The following SGCZ variants were observed in gnomAD, a reference collection of about 807,000 sequenced individuals.
SGCZ encodes the protein sarcoglycan zeta.
Under a neutral mutation model 41.3 loss-of-function variants are expected in SGCZ, and 40 were observed. The ratio of observed to expected loss-of-function variants is 0.97; its 90% confidence interval spans 0.75 to 1.26. The LOEUF (loss-of-function observed/expected upper bound fraction) is 1.26. SGCZ is among the 50% of genes most tolerant of loss of function. The pLI, the probability that SGCZ is intolerant of heterozygous loss-of-function variation, is 0.00. For synonymous variants in SGCZ, 206 were observed against 137.5 expected (o/e 1.50, Z -3.49); for missense variants, 552 against 369.8 (o/e 1.49, Z -4.04).
intron 1 of SGCZ, among the ~76,000 whole-genome samples, chr8:14,605,247 A>G (rs1240507045): frequency 6.7e-6 from 1 of 148,458 alleles, no homozygotes; most frequent in Non-Finnish European, 1.5e-5. Flanking sequence ...TACTTTTAAA[A>G]ATCTTTTTAA....
At chr8:14,346,758 TG>T (rs1160244941) in intron 2 of SGCZ, among the ~76,000 whole-genome samples, 2 of 152,080 alleles carry the variant, frequency 1.3e-5, no homozygotes, top group Admixed American at 1.3e-4. Context: ...TAATAATTTT[TG>T]TAGTTAATGT....
intron 1 of SGCZ, among the ~76,000 whole-genome samples, chr8:14,598,882 G>A (rs1563142805): frequency 2.0e-5 from 3 of 151,918 alleles, no homozygotes; most frequent in Non-Finnish European, 4.4e-5. Context: ...AATCATTTAG[G>A]GAACTCCAGG....
At chr8:14,557,989 C>T (rs1012220976) in intron 1 of SGCZ, among the ~76,000 whole-genome samples, 5 of 152,044 alleles carry the variant, frequency 3.3e-5, no homozygotes, top group African/African-American at 1.2e-4. Context: ...GGAGACAATA[C>T]ACCTGACATC....
intron 1 of SGCZ, among the ~76,000 whole-genome samples, chr8:14,562,666 A>G (rs1190970930): frequency 2.6e-5 from 4 of 152,140 alleles, no homozygotes; most frequent in Non-Finnish European, 5.9e-5. Flanking sequence ...AATTTTAAAA[A>G]TTAAGAAGTA....
intron 1 of SGCZ, among the ~76,000 whole-genome samples, chr8:14,611,328 G>A (rs964004394): frequency 6.9e-5 from 4 of 58,120 alleles, no homozygotes; most frequent in African/African-American, 1.8e-4. Context: ...GAATATGTGG[G>A]TCTATGTGTG....
intron 1 of SGCZ, among the ~76,000 whole-genome samples, chr8:15,032,872 T>C (rs191203164): frequency 1.8e-3 from 274 of 152,150 alleles, no homozygotes; most frequent in Non-Finnish European, 3.3e-3. Context: ...GCCTACTCAG[T>C]TCCAAGCTGT....
chr8:15,112,394 A>T (rs909719353), intron 1 of SGCZ, among the ~76,000 whole-genome samples: 3 of 152,234 alleles, frequency 2.0e-5, no homozygotes, highest in Non-Finnish European at 4.4e-5. Flanking sequence ...GGAGTTATCC[A>T]TTCTCCTGCT....
At chr8:14,874,989 TCAGATCTTCCTGGAGAAATTTCAAG>T in intron 1 of SGCZ, among the ~76,000 whole-genome samples, 1 of 152,174 alleles carries the variant, frequency 6.6e-6, no homozygotes. Context: ...TAAAAAGGAC[TCAGATCTTCCTGGAGAAATTTCAAG>T]CATAAAAGGG....
chr8:14,671,016 T>C (rs560590081), intron 1 of SGCZ, among the ~76,000 whole-genome samples: 1 of 152,330 alleles, frequency 6.6e-6, no homozygotes, highest in South Asian at 2.1e-4. Flanking sequence ...GCTCTCAAGC[T>C]TCCTTGGTGT....
At chr8:14,185,717 C>A (rs575657059) in intron 4 of SGCZ, among the ~76,000 whole-genome samples, 1 of 152,160 alleles carries the variant, frequency 6.6e-6, no homozygotes, top group East Asian at 1.9e-4. Context: ...GCTCACTCAT[C>A]GTCTTTCTAT....
intron 2 of SGCZ, among the ~76,000 whole-genome samples, chr8:14,512,487 A>T (rs543248449): frequency 1.3e-5 from 2 of 152,200 alleles, no homozygotes; most frequent in South Asian, 4.1e-4. Flanking sequence ...TAGAGACAAG[A>T]TCTCGCTCTG....
intron 1 of SGCZ, among the ~76,000 whole-genome samples, chr8:15,000,022 G>C (rs1802358506): frequency 1.3e-5 from 2 of 152,154 alleles, no homozygotes; most frequent in African/African-American, 4.8e-5. Flanking sequence ...GGTATTAAAA[G>C]AGGTAAGTAA....
chr8:14,668,936 ATGTG>A (rs10585789), intron 1 of SGCZ, among the ~76,000 whole-genome samples: 2 of 151,030 alleles, frequency 1.3e-5, no homozygotes, highest in African/African-American at 4.9e-5. Context: ...GTGTGTGTGT[ATGTG>A]TGTGTGTGTT....
chr8:15,122,979 G>C (rs1375304731), intron 1 of SGCZ, among the ~76,000 whole-genome samples: 1 of 152,074 alleles, frequency 6.6e-6, no homozygotes, highest in Non-Finnish European at 1.5e-5. Context: ...AAGGTCTATA[G>C]GTATAGTGTA....
At chr8:14,557,749 C>G (rs1325697738) in intron 1 of SGCZ, among the ~76,000 whole-genome samples, 2 of 151,720 alleles carry the variant, frequency 1.3e-5, no homozygotes, top group Admixed American at 6.6e-5. Context: ...GGTCACACCT[C>G]AAGGAACTAG....
At chr8:15,041,850 G>C (rs115812177) in intron 1 of SGCZ, among the ~76,000 whole-genome samples, 143 of 152,152 alleles carry the variant, frequency 9.4e-4, no homozygotes, top group African/African-American at 3.3e-3. Context: ...TACGCCAAAA[G>C]ACAAAAGCAT....
chr8:15,083,117 A>C (rs924328285), intron 1 of SGCZ, among the ~76,000 whole-genome samples: 2 of 152,230 alleles, frequency 1.3e-5, no homozygotes, highest in Admixed American at 6.5e-5. Context: ...TAACACAAAC[A>C]GAATAACACA....
At chr8:14,148,517 G>A (rs1324356325) in intron 5 of SGCZ, among the ~76,000 whole-genome samples, 2 of 151,706 alleles carry the variant, frequency 1.3e-5, no homozygotes, top group Non-Finnish European at 2.9e-5. Flanking sequence ...CCAATAAGAA[G>A]TACAAGATCA....
Position 14,309,346 on chromosome 8 carries a change from G to C in SGCZ, c.336+14757C>G, listed in dbSNP as rs556870203. On this transcript the variant is annotated intron_variant, in intron 3 of 7. Coordinates refer to ENST00000382080, the MANE Select transcript of SGCZ (RefSeq NM_139167.4). Reference sequence around the variant, plus strand: ...TGTGGGAAGATGAGAAAAACAAATGGGGAGGACGATGGCTAATTACATTGA... The same window carrying C: ...TGTGGGAAGATGAGAAAAACAAATGCGGAGGACGATGGCTAATTACATTGA... 2,583 of 1,603,312 alleles carry C rather than the reference G, an allele frequency of 1.6e-3. 4 individuals carry two copies. The highest frequency in any genetic ancestry group is 1.7e-3 in the Admixed American group (101 of 59,866).
Sources: gnomAD v4.1 joint callset for allele counts (sites outside exome capture counted in the v4.1 genomes callset) on GRCh38, gnomAD v4.1.1 for gene constraint, MANE v1.5 for transcripts, NCBI Gene and HGNC (gene_info 2026-07-23, HGNC 2026-07-21) for gene names.